PUM1: variants seen among roughly 807,000 people sequenced by gnomAD.
PUM1 encodes the protein pumilio RNA binding family member 1.
PUM1 carries 13 observed loss-of-function variants against 131.8 expected under a neutral mutation model. That is an observed-to-expected ratio of 0.10 (90% CI 0.06 to 0.16). PUM1 has a LOEUF of 0.16. Ranked by LOEUF, PUM1 falls within the 10% of genes least tolerant of loss-of-function variation. The pLI is 1.00. For synonymous variants in PUM1, 509 were observed against 556.5 expected (o/e 0.91, Z 1.20); for missense variants, 961 against 1,512.4 (o/e 0.64, Z 6.05).
At chr1:30,935,635 C>T (rs958328103) in intron 21 of PUM1, 11 of 450,182 alleles carry the variant, frequency 2.4e-5, no homozygotes, top group Admixed American at 4.7e-5. Context: ...CTGCCAACAC[C>T]AGTGCAGTGG....
chr1:31,024,148 T>C (rs1291049444), intron 3 of PUM1, among the ~76,000 whole-genome samples: 2 of 152,156 alleles, frequency 1.3e-5, no homozygotes, highest in Non-Finnish European at 2.9e-5. Flanking sequence ...ATCTTTGTCT[T>C]ACGGGTAGAA....
Position 30,950,278 on chromosome 1 carries a change from G to A in PUM1, c.2722-17C>T, listed in dbSNP as rs1401869530. On this transcript the variant is annotated splice_polypyrimidine_tract_variant and intron_variant, in intron 16 of 21. Coordinates refer to ENST00000426105, the MANE Select transcript of PUM1 (RefSeq NM_001020658.2). ...ACTGCCAAACTAGACATAATGTGTGGGTAAACACCATTACTTAAGTAGAAG... is the reference window on the plus strand; with the variant it reads ...ACTGCCAAACTAGACATAATGTGTGAGTAAACACCATTACTTAAGTAGAAG... 1.2e-6 allele frequency: 2 copies of A among 1,605,766 alleles called. No individual in the cohort carries two copies. The highest frequency in any genetic ancestry group is 1.7e-5 in the Admixed American group (1 of 58,184).
At chr1:30,951,024 A>G (rs977539085) in intron 16 of PUM1, among the ~76,000 whole-genome samples, 3 of 152,202 alleles carry the variant, frequency 2.0e-5, no homozygotes, top group Non-Finnish European at 4.4e-5. Flanking sequence ...GAGGCTACAC[A>G]ATGTTAAAAT....
intron 7 of PUM1, among the ~76,000 whole-genome samples, chr1:30,991,278 C>A (rs1364256821): frequency 6.6e-6 from 1 of 152,140 alleles, no homozygotes; most frequent in Non-Finnish European, 1.5e-5. Context: ...AGAGTGTACA[C>A]TTTCAGTTTA....
chr1:31,049,562 C>T (rs1475843039), intron 2 of PUM1, among the ~76,000 whole-genome samples: 4 of 151,276 alleles, frequency 2.6e-5, no homozygotes, highest in African/African-American at 9.7e-5. Context: ...CACGTATAAT[C>T]CCAACTGCTT....
At chr1:31,038,984 A>ATATATATATATATATATTTTTTTT in intron 2 of PUM1, among the ~76,000 whole-genome samples, 5 of 49,418 alleles carry the variant, frequency 1.0e-4, no homozygotes, top group Non-Finnish European at 1.5e-4. Context: ...ATATATATAT[A>ATATATATATATATATATTTTTTTT]TTTTTTTTTT....
At chr1:31,050,698 A>G (rs1644087826) in intron 2 of PUM1, among the ~76,000 whole-genome samples, 1 of 152,242 alleles carries the variant, frequency 6.6e-6, no homozygotes, top group Admixed American at 6.5e-5. Context: ...TCATTGTCTA[A>G]GAGAGTCCAT....
At chr1:30,959,243 G>C (rs1640303139) in intron 14 of PUM1, among the ~76,000 whole-genome samples, 1 of 152,158 alleles carries the variant, frequency 6.6e-6, no homozygotes, top group African/African-American at 2.4e-5. Context: ...AGAAAACAGA[G>C]AGGGATGGTA....
At position 30,936,657 on chromosome 1, in the gene PUM1, T is replaced by C; in HGVS notation, c.3421A>G (p.Ile1141Val). 3 of 1,613,762 alleles carry C rather than the reference T, an allele frequency of 1.9e-6. No homozygotes were observed. Among genetic ancestry groups the C allele is most frequent in the Non-Finnish European group, 2.5e-6 (3 of 1,179,788 alleles). The change falls in exon 21 of 22, where the codon ATC becomes GTC. Residue 1141 changes from isoleucine (I) to valine (V), a missense_variant. By Grantham distance (29) the Ile-to-Val change is conservative (BLOSUM62 3). Around this residue, in one of 4 missense-constraint regions of PUM1, gnomAD observed 178 missense variants for 327.5 expected, o/e 0.54. Coordinates refer to ENST00000426105, the MANE Select transcript of PUM1 (RefSeq NM_001020658.2). Reference sequence around the variant, plus strand: ...GCCCGGCCTACCTTATGCATGACGATCTTCCGCTGGCCTGGCTCCGCCACG... The same window carrying C: ...GCCCGGCCTACCTTATGCATGACGACCTTCCGCTGGCCTGGCTCCGCCACG... ...IDVAEPGQRK[I>V]VMHKIRPHIA...
At chr1:30,946,896 C>A (rs1010311274) in intron 17 of PUM1, among the ~76,000 whole-genome samples, 1 of 151,898 alleles carries the variant, frequency 6.6e-6, no homozygotes, top group African/African-American at 2.4e-5. Flanking sequence ...CAGAGCAACA[C>A]CCTGTCTCTA....
intron 7 of PUM1, among the ~76,000 whole-genome samples, chr1:30,984,330 T>G (rs1641466749): frequency 6.6e-6 from 1 of 152,202 alleles, no homozygotes; most frequent in Non-Finnish European, 1.5e-5. Context: ...CAAAACAAAT[T>G]GGGTAATTGG....
intron 2 of PUM1, among the ~76,000 whole-genome samples, chr1:31,054,093 C>CAAAAAAAAAA (rs368330168): frequency 1.8e-5 from 1 of 54,884 alleles, no homozygotes; most frequent in Non-Finnish European, 3.4e-5. Flanking sequence ...GACTTTATTT[C>CAAAAAAAAAA]AAAAAAAAAA....
chr1:30,974,985 C>T (rs1641075239), intron 9 of PUM1, 183 bp from the exon 10 acceptor site: 1 of 425,918 alleles, frequency 2.3e-6, no homozygotes, highest in African/African-American at 2.0e-5. Flanking sequence ...GAGATCCTTA[C>T]ACCAGTCTTC....
At position 30,966,036 on chromosome 1, in the gene PUM1, T is replaced by G. The variant is rs1407825214; in HGVS notation, c.2032A>C (p.Ser678Arg). ...CCCAGGGTGGCGCCGAGAGAACTGC[T>G]ACTTCCGAATCCCAAGGATGTGTTG... ...PANTSLGFGS[S>R]SSLGATLGSA... The change falls in exon 13 of 22, where the codon AGC becomes CGC. Residue 678 changes from serine to arginine, a missense_variant. Transcript: ENST00000426105. 1 of 1,614,190 alleles carries G rather than the reference T, an allele frequency of 6.2e-7. No individual in the cohort carries two copies. Among genetic ancestry groups the G allele is most frequent in the Admixed American group, 1.7e-5 (1 of 60,020 alleles).
intron 6 of PUM1, 57 bp from the exon 7 acceptor site, chr1:30,992,717 C>A: frequency 6.7e-7 from 1 of 1,494,194 alleles, no homozygotes; most frequent in Non-Finnish European, 9.1e-7. Context: ...GGGACTACAG[C>A]AACCCAAGTT....
At chr1:31,046,844 C>T (rs528952516) in intron 2 of PUM1, among the ~76,000 whole-genome samples, 4 of 152,058 alleles carry the variant, frequency 2.6e-5, no homozygotes, top group African/African-American at 9.6e-5. Flanking sequence ...TTAAACTTAC[C>T]CAACCTATTG....
chr1:31,043,559 C>T (rs1643888038), intron 2 of PUM1, among the ~76,000 whole-genome samples: 1 of 152,076 alleles, frequency 6.6e-6, no homozygotes, highest in Non-Finnish European at 1.5e-5. Context: ...ATAACCAAGA[C>T]TAGGTTAATG....
In PUM1 at chr1:31,007,035, A is replaced by T; in HGVS notation, c.500T>A (p.Phe167Tyr). The T allele has an allele frequency of 6.2e-7, 1 of 1,614,030 alleles. No individual in the cohort carries two copies. The highest frequency in any genetic ancestry group is 8.5e-7 in the Non-Finnish European group (1 of 1,179,930). Residue 167 changes from phenylalanine (F) to tyrosine (Y), a missense_variant, in exon 4 of 22, where the codon TTC becomes TAC. Transcript: ENST00000426105. ...ACTGTCTCGCCATTGATCACCCAGGAATATTCCTTTTGGTCCATCTTTGCT... is the reference window on the plus strand; with the variant it reads ...ACTGTCTCGCCATTGATCACCCAGGTATATTCCTTTTGGTCCATCTTTGCT... Reference protein sequence around the residue: ...ESSKDGPKGIFLGDQWRDSAW... With the variant: ...ESSKDGPKGIYLGDQWRDSAW...
intron 18 of PUM1, among the ~76,000 whole-genome samples, chr1:30,943,544 G>A (rs1412387529): frequency 6.6e-6 from 1 of 152,142 alleles, no homozygotes; most frequent in East Asian, 1.9e-4. Flanking sequence ...GAACCACCGT[G>A]CCCGGCCATG....
Sources: allele counts gnomAD v4.1 joint callset (sites outside exome capture counted in the v4.1 genomes callset), GRCh38; gene constraint gnomAD v4.1.1; regional missense constraint gnomAD v4.1.1; transcripts MANE v1.5; gene names NCBI Gene and HGNC (gene_info 2026-07-23, HGNC 2026-07-21).